The following NPAS3 variants were observed in gnomAD, a reference collection of about 807,000 sequenced individuals.
NPAS3 encodes the protein neuronal PAS domain-containing protein 3.
A neutral mutation model predicts 73.1 loss-of-function variants in NPAS3; 14 were observed. The observed-to-expected ratio is 0.19, with a 90% CI of 0.13 to 0.30. The LOEUF is 0.30. Among genes scored for constraint, NPAS3 ranks in the 10% least tolerant of loss-of-function variants. The probability of loss-of-function intolerance (pLI) is 1.00; values close to 1 mark genes in which losing one functional copy is unlikely to be tolerated. For synonymous variants in NPAS3, 620 were observed against 541.5 expected, an observed-to-expected ratio of 1.14 and a Z score of -2.01; for missense variants, 1,096 against 1,250.0, an observed-to-expected ratio of 0.88 and a Z score of 1.86.
intron 4 of NPAS3, among the ~76,000 whole-genome samples, chr14:33,377,515 A>G (rs973226938): frequency 1.3e-5 from 2 of 152,240 alleles, no homozygotes; most frequent in African/African-American, 2.4e-5. Flanking sequence ...CTGCCAGGCC[A>G]AAAAGTTCAC....
intron 5 of NPAS3, among the ~76,000 whole-genome samples, chr14:33,574,058 A>T (rs1382146876): frequency 1.3e-5 from 2 of 152,194 alleles, no homozygotes; most frequent in Non-Finnish European, 2.9e-5. Context: ...GAATGGACAG[A>T]CTTCAGAGCT....
intron 3 of NPAS3, among the ~76,000 whole-genome samples, chr14:33,254,732 G>A (rs1430006543): frequency 2.0e-5 from 3 of 152,120 alleles, no homozygotes; most frequent in Non-Finnish European, 4.4e-5. Flanking sequence ...AAAAAGCAAG[G>A]AAGGAGCAGA....
chr14:33,802,261 T>C (rs1236888894), downstream of NPAS3: 1 of 151,814 alleles, frequency 6.6e-6, no homozygotes, highest in Non-Finnish European at 1.5e-5. Flanking sequence ...TTTGATTTGA[T>C]GGAATTTCTT....
At chr14:32,982,286 T>A (rs192785271) in intron 1 of NPAS3, among the ~76,000 whole-genome samples, 5 of 152,346 alleles carry the variant, frequency 3.3e-5, no homozygotes, top group Admixed American at 2.6e-4. Context: ...GGAGCCCTGA[T>A]GGCCTAAACA....
intron 3 of NPAS3, among the ~76,000 whole-genome samples, chr14:33,324,330 C>T (rs987547652): frequency 4.6e-5 from 7 of 152,092 alleles, no homozygotes; most frequent in East Asian, 3.9e-4. Context: ...AAATGACAGT[C>T]GGGGACCTTC....
At chr14:32,969,787 T>C (rs1361046970) in intron 1 of NPAS3, among the ~76,000 whole-genome samples, 2 of 152,204 alleles carry the variant, frequency 1.3e-5, no homozygotes, top group African/African-American at 2.4e-5. Flanking sequence ...GTGGAATTAG[T>C]TCATGAATAG....
intron 3 of NPAS3, among the ~76,000 whole-genome samples, chr14:33,286,263 A>G (rs1008793685): frequency 2.0e-5 from 3 of 152,156 alleles, no homozygotes; most frequent in Admixed American, 6.5e-5. Flanking sequence ...TATTTCCTCA[A>G]TAGAATTTCA....
chr14:33,004,571 A>T (rs1457111290), intron 1 of NPAS3, among the ~76,000 whole-genome samples: 1 of 152,120 alleles, frequency 6.6e-6, no homozygotes, highest in Non-Finnish European at 1.5e-5. Flanking sequence ...GCATTATTGT[A>T]CATTACTCCA....
chr14:33,676,080 C>G, intron 5 of NPAS3, 131 bp from the exon 6 acceptor site: 1 of 829,180 alleles, frequency 1.2e-6, no homozygotes, highest in South Asian at 1.6e-5. Context: ...AAGATGAAGA[C>G]AGAACCAGGA....
intron 4 of NPAS3, among the ~76,000 whole-genome samples, chr14:33,409,559 G>T (rs1020486976): frequency 3.9e-5 from 6 of 152,110 alleles, no homozygotes; most frequent in African/African-American, 1.4e-4. Context: ...AAAATTCATA[G>T]TATAATTAAG....
At chr14:33,199,753 C>T (rs1453126733) in intron 2 of NPAS3, among the ~76,000 whole-genome samples, 2 of 149,638 alleles carry the variant, frequency 1.3e-5, no homozygotes, top group Non-Finnish European at 3.0e-5. Flanking sequence ...TTCCTCCCCT[C>T]CTTTCACTAT....
chr14:33,641,027 A>C (rs1207252148), intron 5 of NPAS3, among the ~76,000 whole-genome samples: 3 of 152,116 alleles, frequency 2.0e-5, no homozygotes, highest in Non-Finnish European at 4.4e-5. Flanking sequence ...GTGATTTTTT[A>C]GTATCTTCTG....
chr14:33,463,682 A>G (rs1212296215), intron 4 of NPAS3, among the ~76,000 whole-genome samples: 2 of 152,202 alleles, frequency 1.3e-5, no homozygotes, highest in African/African-American at 4.8e-5. Context: ...CAAAGAAAAT[A>G]TGCCTGGAGT....
intron 4 of NPAS3, among the ~76,000 whole-genome samples, chr14:33,497,375 G>T (rs1275401580): frequency 1.3e-5 from 2 of 152,028 alleles, no homozygotes; most frequent in African/African-American, 2.4e-5. Context: ...AGCCAAAAAA[G>T]GGCCCATATA....
At chr14:33,175,090 G>A (rs145878460) in intron 2 of NPAS3, among the ~76,000 whole-genome samples, 2 of 152,050 alleles carry the variant, frequency 1.3e-5, no homozygotes, top group African/African-American at 2.4e-5. Context: ...TGATACTTAC[G>A]CAAAGATTTT....
intron 4 of NPAS3, among the ~76,000 whole-genome samples, chr14:33,496,215 C>T (rs2052178663): frequency 6.6e-6 from 1 of 151,880 alleles, no homozygotes; most frequent in Non-Finnish European, 1.5e-5. Context: ...AATAGCCTAC[C>T]AACCAAAAAA....
chr14:33,204,812 G>C (rs2139612388), intron 2 of NPAS3, among the ~76,000 whole-genome samples: 1 of 152,208 alleles, frequency 6.6e-6, no homozygotes, highest in East Asian at 1.9e-4. Flanking sequence ...TCCAATTCCA[G>C]CTCTCTTTTA....
At chr14:33,143,343 T>C (rs1333089219) in intron 2 of NPAS3, among the ~76,000 whole-genome samples, 1 of 151,704 alleles carries the variant, frequency 6.6e-6, no homozygotes, top group Non-Finnish European at 1.5e-5. Context: ...AATACAAAAT[T>C]AGCCAGGCAT....
Position 33,369,500 on chromosome 14 carries a change from A to C in NPAS3, c.468+2232A>C, listed in dbSNP as rs190194971. Among the ~76,000 whole-genome samples, 28 of 151,444 alleles carry C rather than the reference A, an allele frequency of 1.8e-4. No homozygotes were observed. In the South Asian group the frequency reaches 2.9e-3, roughly 16 times the overall value. ...ATGGATGAAAATTTAGAATGTTTAC[A>C]TTATGTCCATACAAGAAAACTCCTA... On this transcript the variant is annotated intron_variant, in intron 4 of 11. Coordinates refer to ENST00000356141, the Ensembl canonical transcript of NPAS3.
Sources: gnomAD v4.1 joint callset for allele counts (sites outside exome capture counted in the v4.1 genomes callset) on GRCh38, gnomAD v4.1.1 for gene constraint, MANE v1.5 for transcripts, NCBI Gene and HGNC (gene_info 2026-07-23, HGNC 2026-07-21) for gene names.